CDK14: variants seen among roughly 807,000 people sequenced by gnomAD.
CDK14 encodes the protein cyclin-dependent kinase 14.
A neutral mutation model predicts 60.7 loss-of-function variants in CDK14; 34 were observed. The ratio of observed to expected loss-of-function variants is 0.56; its 90% CI spans 0.43 to 0.75. The LOEUF (loss-of-function observed/expected upper bound fraction) is 0.75, where lower values mean the gene tolerates loss of function less well. CDK14 is among the 30% of genes least tolerant of loss of function. The pLI, the probability that CDK14 is intolerant of heterozygous loss-of-function variation, is 0.00. For synonymous variants in CDK14, 197 were observed against 203.7 expected (o/e 0.97, Z 0.28); for missense variants, 482 against 564.1 (o/e 0.85, Z 1.47).
At chr7:91,101,042 C>T (rs112035089) in intron 12 of CDK14, among the ~76,000 whole-genome samples, 1 of 152,052 alleles carries the variant, frequency 6.6e-6, no homozygotes, top group African/African-American at 2.4e-5. Context: ...TGGACTCTCC[C>T]CATTGTCCTT....
At chr7:90,842,020 C>T (rs1790312276) in intron 5 of CDK14, among the ~76,000 whole-genome samples, 2 of 151,990 alleles carry the variant, frequency 1.3e-5, no homozygotes, top group South Asian at 4.2e-4. Context: ...CCCTTAGCAA[C>T]AAGCATATAA....
chr7:90,953,681 CCTTCTGG>C (rs1178253947), intron 8 of CDK14, among the ~76,000 whole-genome samples: 2 of 152,130 alleles, frequency 1.3e-5, no homozygotes, highest in Non-Finnish European at 2.9e-5. Flanking sequence ...ATTCTCTCAT[CCTTCTGG>C]CTTAGCTTTC....
intron 5 of CDK14, among the ~76,000 whole-genome samples, chr7:90,857,073 A>G (rs1252837402): frequency 6.6e-6 from 1 of 151,818 alleles, no homozygotes; most frequent in Non-Finnish European, 1.5e-5. Flanking sequence ...AAATTATCTC[A>G]AATATTAAAG....
chr7:91,162,079 G>C (rs1801182929), intron 14 of CDK14, among the ~76,000 whole-genome samples: 1 of 152,120 alleles, frequency 6.6e-6, no homozygotes, highest in African/African-American at 2.4e-5. Context: ...TAAAAACTAA[G>C]AAAGAGAGGC....
intron 2 of CDK14, among the ~76,000 whole-genome samples, chr7:90,640,535 G>T (rs1484546693): frequency 1.3e-5 from 2 of 151,992 alleles, no homozygotes; most frequent in Admixed American, 1.3e-4. Flanking sequence ...AATGAAATAT[G>T]GTTTCAAAGA....
intron 14 of CDK14, among the ~76,000 whole-genome samples, chr7:91,146,685 C>T (rs1800649290): frequency 6.6e-6 from 1 of 152,164 alleles, no homozygotes; most frequent in African/African-American, 2.4e-5. Flanking sequence ...TTATTTGACA[C>T]AGCAAAGACA....
At chr7:90,877,782 A>G (rs1014586189) in intron 6 of CDK14, among the ~76,000 whole-genome samples, 14 of 152,190 alleles carry the variant, frequency 9.2e-5, no homozygotes, top group African/African-American at 3.4e-4. Context: ...TAGTAATAGA[A>G]TATTTATTAG....
intron 6 of CDK14, among the ~76,000 whole-genome samples, chr7:90,882,910 A>G (rs1295158403): frequency 6.6e-6 from 1 of 152,198 alleles, no homozygotes; most frequent in East Asian, 1.9e-4. Context: ...CAAAGAAACA[A>G]TGTACCAGAA....
chr7:91,019,262 G>A (rs1462103486), intron 10 of CDK14, among the ~76,000 whole-genome samples: 1 of 152,112 alleles, frequency 6.6e-6, no homozygotes, highest in African/African-American at 2.4e-5. Context: ...TTGCTCCTGT[G>A]AATGGACAGC....
chr7:90,807,219 G>A (rs557475035), intron 5 of CDK14, among the ~76,000 whole-genome samples: 18 of 152,338 alleles, frequency 1.2e-4, no homozygotes, highest in Admixed American at 9.1e-4. Flanking sequence ...GCACCACCCA[G>A]TAGGGGCAGA....
intron 10 of CDK14, among the ~76,000 whole-genome samples, chr7:91,044,743 CT>C (rs1164835881): frequency 2.6e-5 from 4 of 152,106 alleles, no homozygotes; most frequent in Non-Finnish European, 4.4e-5. Flanking sequence ...ATCTCTTGCC[CT>C]TTCTAACCTG....
chr7:91,099,298 C>G (rs943969264), intron 12 of CDK14, among the ~76,000 whole-genome samples: 1 of 152,104 alleles, frequency 6.6e-6, no homozygotes, highest in African/African-American at 2.4e-5. Flanking sequence ...TAACCAATCT[C>G]TCTGAAACAT....
chr7:91,171,256 A>T (rs1231054167), intron 14 of CDK14, among the ~76,000 whole-genome samples: 1 of 151,922 alleles, frequency 6.6e-6, no homozygotes, highest in Non-Finnish European at 1.5e-5. Flanking sequence ...AGGCTGAGGC[A>T]GGAGAATGGC....
intron 14 of CDK14, among the ~76,000 whole-genome samples, chr7:91,199,666 T>C (rs897144360): frequency 3.9e-5 from 6 of 152,226 alleles, no homozygotes; most frequent in Admixed American, 3.9e-4. Flanking sequence ...TGAGAAATGC[T>C]TTGTTTTGAA....
chr7:91,187,808 C>T (rs1802236472), intron 14 of CDK14, among the ~76,000 whole-genome samples: 1 of 152,192 alleles, frequency 6.6e-6, no homozygotes, highest in Non-Finnish European at 1.5e-5. Context: ...GTGACATCTA[C>T]ATAGTGCATG....
intron 14 of CDK14, among the ~76,000 whole-genome samples, chr7:91,144,814 A>G (rs1049989990): frequency 2.6e-5 from 4 of 152,120 alleles, no homozygotes; most frequent in African/African-American, 9.7e-5. Context: ...CAAAGGTAAA[A>G]CATGCAAGAG....
intron 5 of CDK14, among the ~76,000 whole-genome samples, chr7:90,829,618 G>GC (rs923471265): frequency 9.2e-5 from 14 of 151,794 alleles, no homozygotes; most frequent in Admixed American, 2.0e-4. Context: ...GGCAACCTCC[G>GC]CCCCCCCAGG....
In CDK14 at chr7:91,032,696, C is replaced by G. The variant is rs1237346045; in HGVS notation, c.1042-13201C>G. On this transcript the variant is annotated intron_variant, in intron 10 of 14. Transcript: ENST00000380050. ...CCTAAACCCCCCAGAGGGGACAAGG[C>G]CCTACTAACATCTTAGTTTCAGCCC... Among the ~76,000 whole-genome samples, 6 of 152,260 alleles carry G rather than the reference C, an allele frequency of 3.9e-5. No homozygotes were observed. In the East Asian group the frequency reaches 1.2e-3, roughly 29 times the overall value.
chr7:90,873,769 G>A (rs140322940), intron 6 of CDK14, among the ~76,000 whole-genome samples: 1 of 152,004 alleles, frequency 6.6e-6, no homozygotes, highest in East Asian at 1.9e-4. Flanking sequence ...TTCACTTATT[G>A]ATTATTCATC....
Sources: allele counts gnomAD v4.1 joint callset (sites outside exome capture counted in the v4.1 genomes callset), GRCh38; gene constraint gnomAD v4.1.1; transcripts MANE v1.5; gene names NCBI Gene and HGNC (gene_info 2026-07-23, HGNC 2026-07-21).